PPCDC: variants seen among roughly 807,000 people sequenced by gnomAD.
The protein encoded by PPCDC is phosphopantothenoylcysteine decarboxylase.
Under a neutral mutation model 20.7 loss-of-function variants are expected in PPCDC, and 20 were observed. The observed-to-expected ratio is 0.97, with a 90% CI of 0.68 to 1.41. The LOEUF (loss-of-function observed/expected upper bound fraction) is 1.41, where lower values mean the gene tolerates loss of function less well. Ranked by LOEUF, PPCDC falls within the 40% of genes most tolerant of loss-of-function variation. The pLI is 0.00. For missense variants in PPCDC, 246 were observed against 263.8 expected (o/e 0.93, Z 0.47); for synonymous variants, 88 against 100.3 (o/e 0.88, Z 0.73).
intron 3 of PPCDC, among the ~76,000 whole-genome samples, chr15:75,043,917 T>C (rs2066188364): frequency 6.6e-6 from 1 of 152,140 alleles, no homozygotes; most frequent in Non-Finnish European, 1.5e-5. Flanking sequence ...CCCCTGCGGA[T>C]GGGTGGGCAC....
intron 1 of PPCDC, 131 bp from the exon 2 acceptor site, chr15:75,028,116 T>C (rs1225864661): frequency 3.2e-6 from 2 of 616,630 alleles, no homozygotes; most frequent in African/African-American, 3.7e-5. Flanking sequence ...TATCAAACTG[T>C]GTGCTCCCTG....
chr15:75,032,214 C>G (rs912219764), intron 2 of PPCDC, among the ~76,000 whole-genome samples: 1 of 152,140 alleles, frequency 6.6e-6, no homozygotes, highest in Admixed American at 6.5e-5. Context: ...TTTGCCAGGG[C>G]AGGTGTCAGC....
intron 3 of PPCDC, among the ~76,000 whole-genome samples, chr15:75,044,114 G>A (rs1228109385): frequency 2.1e-5 from 3 of 140,420 alleles, no homozygotes; most frequent in Admixed American, 7.5e-5. Flanking sequence ...CAGACAGGCC[G>A]GGAGCTCCCT....
intron 2 of PPCDC, chr15:75,043,144 C>A: frequency 3.2e-6 from 1 of 309,448 alleles, no homozygotes; most frequent in Non-Finnish European, 6.1e-6. Context: ...ACTGGGCCTA[C>A]CTCTGCCCGA....
At chr15:75,041,490 G>A (rs2066152257) in intron 2 of PPCDC, among the ~76,000 whole-genome samples, 1 of 152,126 alleles carries the variant, frequency 6.6e-6, no homozygotes, top group African/African-American at 2.4e-5. Context: ...AATTAGCTGG[G>A]CATGGTGACA....
intron 2 of PPCDC, among the ~76,000 whole-genome samples, chr15:75,029,416 A>C (rs1455371181): frequency 6.6e-6 from 1 of 152,152 alleles, no homozygotes; most frequent in Non-Finnish European, 1.5e-5. Flanking sequence ...TCTTGTTATC[A>C]GCTGAGCACC....
chr15:75,033,251 A>G (rs1595901727), intron 2 of PPCDC, among the ~76,000 whole-genome samples: 1 of 152,250 alleles, frequency 6.6e-6, no homozygotes, highest in Non-Finnish European at 1.5e-5. Context: ...CTATGGCTGC[A>G]TTCGTGCTAC....
chr15:75,031,644 C>G (rs1479128689), intron 2 of PPCDC, among the ~76,000 whole-genome samples: 2 of 152,110 alleles, frequency 1.3e-5, no homozygotes, highest in East Asian at 3.8e-4. Context: ...GCAGAGGTTG[C>G]AGTGAGCTGA....
chr15:75,029,149 G>A (rs2065991854), intron 2 of PPCDC, among the ~76,000 whole-genome samples: 1 of 152,094 alleles, frequency 6.6e-6, no homozygotes, highest in African/African-American at 2.4e-5. Context: ...GCCCTTAGTT[G>A]GTCTGTCTTA....
intron 4 of PPCDC, among the ~76,000 whole-genome samples, chr15:75,046,609 A>C (rs1285288066): frequency 6.6e-6 from 1 of 152,282 alleles, no homozygotes; most frequent in Non-Finnish European, 1.5e-5. Flanking sequence ...TCGAAGTCAC[A>C]AATGTTTCAA....
chr15:75,023,615 C>G lies in PPCDC; in HGVS notation c.-84C>G, dbSNP rs2065928930. 6.6e-6 allele frequency: 1 copy of G among 152,312 alleles called. No homozygotes were observed. The highest frequency in any genetic ancestry group is 2.4e-5 in the African/African-American group (1 of 41,476). 9.4% of individuals were successfully genotyped at this position (152,312 alleles called of 1,614,324 possible). A position where few individuals can be genotyped will look rare whatever the true frequency, so the allele number is the denominator to read the frequency against. ...GATATTTGGGAGCGGCCCCGAGACG[C>G]GCCTGGCGCGGGTGAGCAGTGGAAG... is the stretch of plus-strand genomic sequence containing the variant. On this transcript the variant is annotated 5_prime_UTR_variant, in exon 1 of 6. Transcript: ENST00000342932.
chr15:75,028,547 C>G, intron 2 of PPCDC, 94 bp downstream of exon 2: 1 of 1,533,726 alleles, frequency 6.5e-7, no homozygotes. Flanking sequence ...ATGCAATTTT[C>G]TTTTTCTTTA....
chr15:75,025,504 T>C (rs1330511555), intron 1 of PPCDC, among the ~76,000 whole-genome samples: 2 of 152,194 alleles, frequency 1.3e-5, no homozygotes, highest in Admixed American at 6.5e-5. Context: ...AGAGGAGACT[T>C]AAACATCACA....
At position 75,044,386 on chromosome 15, in the gene PPCDC, A is replaced by G. The variant is rs1299245952; in HGVS notation, c.232A>G (p.Ile78Val). ...GACCCCTTTTTCTTCCCTCTGCCAG[A>G]TATGGAAGAGCCGCTCTGACCCAGT... is the stretch of plus-strand genomic sequence containing the variant. ...TLYSDADEWE[I>V]WKSRSDPVLH... Residue 78 changes from isoleucine to valine, a missense_variant and splice_region_variant, in exon 4 of 6, where the codon ATA (isoleucine) becomes GTA (valine). Physicochemically the swap from Ile to Val is conservative, Grantham distance 29. Transcript: ENST00000342932. 1 of 1,613,566 alleles carries G rather than the reference A, an allele frequency of 6.2e-7. No individual in the cohort carries two copies. Among genetic ancestry groups the G allele is most frequent in the African/African-American group, 1.3e-5 (1 of 74,990 alleles).
chr15:75,034,466 C>T (rs1171583829), intron 2 of PPCDC, among the ~76,000 whole-genome samples: 1 of 152,156 alleles, frequency 6.6e-6, no homozygotes, highest in African/African-American at 2.4e-5. Context: ...CATCATGAGC[C>T]ATGGAACCCA....
At chr15:75,044,339 T>C in intron 3 of PPCDC, 47 bp from the exon 4 acceptor site, 1 of 1,606,018 alleles carries the variant, frequency 6.2e-7, no homozygotes. Context: ...GCCTTGGCGC[T>C]GCATCCTGCT....
Position 75,049,333 on chromosome 15 carries a change from T to C in PPCDC, c.*98T>C, listed in dbSNP as rs1430219624. ...GGCAAAATAGGAGGATACCCTCATT[T>C]GCTGAATGGGGGACCTGCTCTGAGC... On this transcript the variant is annotated 3_prime_UTR_variant, in exon 6 of 6. Transcript: ENST00000342932. 2 of 1,164,758 alleles carry C rather than the reference T, an allele frequency of 1.7e-6. No homozygotes were observed. The highest frequency in any genetic ancestry group is 2.5e-6 in the Non-Finnish European group (2 of 798,868). The allele number at this position is 1,164,758 out of a possible 1,614,324, so 72.2% of individuals were successfully genotyped here. A position where few individuals can be genotyped will look rare whatever the true frequency, so the allele number is the denominator to read the frequency against.
intron 2 of PPCDC, among the ~76,000 whole-genome samples, chr15:75,034,569 A>G (rs1040651931): frequency 1.3e-5 from 2 of 152,182 alleles, no homozygotes; most frequent in African/African-American, 4.8e-5. Context: ...CTGGGCCCCA[A>G]GAATCCTTTG....
chr15:75,025,562 G>C (rs2065950384), intron 1 of PPCDC, among the ~76,000 whole-genome samples: 1 of 152,198 alleles, frequency 6.6e-6, no homozygotes, highest in East Asian at 1.9e-4. Context: ...GGAGGATAGA[G>C]AAGCTGCCAT....
Sources: allele counts gnomAD v4.1 joint callset (sites outside exome capture counted in the v4.1 genomes callset), GRCh38; gene constraint gnomAD v4.1.1; transcripts MANE v1.5; gene names NCBI Gene and HGNC (gene_info 2026-07-23, HGNC 2026-07-21).